The following FIRRM variants were observed in gnomAD, a reference collection of about 807,000 sequenced individuals.
The protein encoded by FIRRM is FIGNL1 interacting regulator of recombination and mitosis, also known as FIGNL1-interacting regulator of recombination and mitosis.
At chr1:169,789,006 A>G in the FIRRM span, among the ~76,000 whole-genome samples, 1 of 152,180 alleles carries the variant, frequency 6.6e-6, no homozygotes, top group Non-Finnish European at 1.5e-5. Context: ...GGCTTCCCCC[A>G]ACCATCTGGG....
the FIRRM span, among the ~76,000 whole-genome samples, chr1:169,822,680 A>G: frequency 1.3e-5 from 2 of 151,910 alleles, no homozygotes; most frequent in Non-Finnish European, 2.9e-5. Flanking sequence ...TTGTATTTTT[A>G]GTAGAGATGG....
chr1:169,836,904 C>A, the FIRRM span: 27 of 1,586,652 alleles, frequency 1.7e-5, no homozygotes, highest in Middle Eastern at 3.4e-4. Flanking sequence ...TGTTACTCTT[C>A]TTTCTTTAAC....
At chr1:169,819,210 A>G in the FIRRM span, among the ~76,000 whole-genome samples, 1 of 152,214 alleles carries the variant, frequency 6.6e-6, no homozygotes, top group African/African-American at 2.4e-5. Flanking sequence ...TTTCATTGCA[A>G]AGTAACCCAA....
chr1:169,801,906 A>C, the FIRRM span, among the ~76,000 whole-genome samples: 1 of 152,174 alleles, frequency 6.6e-6, no homozygotes, highest in African/African-American at 2.4e-5. Flanking sequence ...TATTTCTTAG[A>C]ATTTGTTCTT....
the FIRRM span, among the ~76,000 whole-genome samples, chr1:169,789,019 A>T: frequency 1.3e-5 from 2 of 152,216 alleles, no homozygotes; most frequent in Admixed American, 1.3e-4. Context: ...CATCTGGGCT[A>T]TATAGAAGCT....
the FIRRM span, among the ~76,000 whole-genome samples, chr1:169,791,545 C>CA: frequency 6.6e-6 from 1 of 152,132 alleles, no homozygotes; most frequent in African/African-American, 2.4e-5. Context: ...GGGAGCAAAT[C>CA]AATTAACTTC....
chr1:169,853,791 C>T, the FIRRM span: 1 of 1,612,710 alleles, frequency 6.2e-7, no homozygotes, highest in South Asian at 1.1e-5. Flanking sequence ...AAATAAAGCA[C>T]ACCAAGAACC....
the FIRRM span, chr1:169,795,509 G>T: frequency 8.5e-7 from 1 of 1,181,574 alleles, no homozygotes. Context: ...TTCTGTACTC[G>T]TTGCTTGCAA....
the FIRRM span, among the ~76,000 whole-genome samples, chr1:169,836,715 G>A: frequency 6.6e-6 from 1 of 152,116 alleles, no homozygotes; most frequent in Non-Finnish European, 1.5e-5. Flanking sequence ...CTCCACTTAA[G>A]CTGTGTTTTT....
the FIRRM span, chr1:169,850,399 G>A: frequency 1.9e-5 from 24 of 1,257,528 alleles, no homozygotes; most frequent in South Asian, 1.0e-4. Flanking sequence ...TTTTTTTTCC[G>A]AAATTATGTA....
At chr1:169,829,119 T>C in the FIRRM span, 2 of 633,312 alleles carry the variant, frequency 3.2e-6, no homozygotes, top group East Asian at 3.1e-5. Context: ...TGTGTACATA[T>C]TCACACGTGT....
the FIRRM span, chr1:169,827,986 G>T: frequency 1.4e-6 from 1 of 717,144 alleles, no homozygotes; most frequent in Non-Finnish European, 2.2e-6. Context: ...CATATATATT[G>T]CTACTTTATA....
the FIRRM span, among the ~76,000 whole-genome samples, chr1:169,811,858 A>G: frequency 1.3e-5 from 2 of 151,476 alleles, no homozygotes; most frequent in African/African-American, 2.4e-5. Flanking sequence ...AATAGATAAT[A>G]GATAGATAGA....
the FIRRM span, among the ~76,000 whole-genome samples, chr1:169,798,578 C>G: frequency 6.6e-6 from 1 of 151,688 alleles, no homozygotes; most frequent in Non-Finnish European, 1.5e-5. Flanking sequence ...CGAGCGAGAC[C>G]CTCTCTCTAA....
At chr1:169,792,527 A>C in the FIRRM span, 15 of 1,419,398 alleles carry the variant, frequency 1.1e-5, no homozygotes, top group South Asian at 6.4e-5. Flanking sequence ...CAAACACTCA[A>C]ATTTTTGGTC....
At chr1:169,815,111 C>T in the FIRRM span, among the ~76,000 whole-genome samples, 5 of 151,962 alleles carry the variant, frequency 3.3e-5, no homozygotes, top group East Asian at 1.9e-4. Context: ...GCCTGGCCAA[C>T]GTGGTAAAAC....
chr1:169,792,651 T>C, the FIRRM span: 3 of 1,610,394 alleles, frequency 1.9e-6, no homozygotes, highest in Non-Finnish European at 8.5e-7. Context: ...AGTATTCTGG[T>C]CTTAAAAACA....
the FIRRM span, among the ~76,000 whole-genome samples, chr1:169,834,837 T>G: frequency 6.6e-6 from 1 of 152,152 alleles, no homozygotes; most frequent in African/African-American, 2.4e-5. Flanking sequence ...TAAAATCTAG[T>G]AGAAATTATA....
At chr1:169,827,079 A>G in the FIRRM span, 13 of 1,613,408 alleles carry the variant, frequency 8.1e-6, no homozygotes, top group Non-Finnish European at 1.1e-5. Flanking sequence ...TTATGCTACC[A>G]GGATTTCTAA....
Sources: allele counts gnomAD v4.1 joint callset (sites outside exome capture counted in the v4.1 genomes callset), GRCh38; gene constraint gnomAD v4.1.1; transcripts MANE v1.5; gene names NCBI Gene and HGNC (gene_info 2026-07-23, HGNC 2026-07-21).